The following TUBGCP3 variants were observed in gnomAD, a reference collection of about 807,000 sequenced individuals.
TUBGCP3 encodes the protein tubulin gamma complex component 3, also known as gamma-tubulin complex component 3.
In TUBGCP3, 50 loss-of-function variants were observed where a neutral mutation model predicts 123.1. That is an observed-to-expected ratio of 0.41 (90% CI 0.32 to 0.51). The LOEUF (loss-of-function observed/expected upper bound fraction) is 0.51. TUBGCP3 is among the 20% of genes least tolerant of loss of function. The pLI, the probability that TUBGCP3 is intolerant of heterozygous loss-of-function variation, is 0.36. For missense variants in TUBGCP3, 882 were observed against 1,127.0 expected (o/e 0.78, Z 3.11); for synonymous variants, 405 against 413.9 (o/e 0.98, Z 0.26).
chr13:112,548,005 T>C (rs1594179725), intron 9 of TUBGCP3, 103 bp downstream of exon 9: 3 of 948,156 alleles, frequency 3.2e-6, no homozygotes, highest in Non-Finnish European at 3.0e-6. Context: ...AATATTGCTG[T>C]ATTTTAAAAG....
At chr13:112,526,129 A>G (rs1177449232) in intron 13 of TUBGCP3, among the ~76,000 whole-genome samples, 1 of 151,996 alleles carries the variant, frequency 6.6e-6, no homozygotes, top group Non-Finnish European at 1.5e-5. Context: ...CATTACTATC[A>G]TCACATCACC....
rs543919670 is a variant in TUBGCP3, at chr13:112,541,467, A to G, written c.1335+4232T>C. Among the ~76,000 whole-genome samples the G allele has an allele frequency of 2.6e-5, 4 of 151,148 alleles. No individual in the cohort carries two copies. In the East Asian group the frequency reaches 7.8e-4, roughly 30 times the overall value. Reference sequence around the variant, plus strand: ...TGAGGAAGGAGAATTGCTTGAACCCAGGAGGCAGAAGTTACAGTGCACCAA... The same window carrying G: ...TGAGGAAGGAGAATTGCTTGAACCCGGGAGGCAGAAGTTACAGTGCACCAA... On this transcript the variant is annotated intron_variant, in intron 11 of 21. Transcript: ENST00000261965.
At chr13:112,487,818 G>A (rs1022727583) in intron 21 of TUBGCP3, among the ~76,000 whole-genome samples, 3 of 152,046 alleles carry the variant, frequency 2.0e-5, no homozygotes, top group African/African-American at 4.8e-5. Flanking sequence ...CTTAGTTATC[G>A]TGAAGAAAAA....
chr13:112,570,342 A>C (rs1881302543), intron 1 of TUBGCP3, among the ~76,000 whole-genome samples: 1 of 152,266 alleles, frequency 6.6e-6, no homozygotes, highest in Non-Finnish European at 1.5e-5. Context: ...AAATTCAGAC[A>C]GACCACAGAG....
chr13:112,578,316 T>C (rs1881998631), intron 1 of TUBGCP3, among the ~76,000 whole-genome samples: 1 of 151,382 alleles, frequency 6.6e-6, no homozygotes, highest in African/African-American at 2.4e-5. Context: ...TCCCAGCACT[T>C]TGGGAGGCCG....
rs1881688052 is a variant in TUBGCP3, at chr13:112,511,727, A to ATTGGGCCAAAACCAAAT, written c.2086+4696_2086+4712dup. Among the ~76,000 whole-genome samples, 1 of 152,208 alleles carries ATTGGGCCAAAACCAAAT rather than the reference A, an allele frequency of 6.6e-6. No homozygotes were observed. Among genetic ancestry groups the ATTGGGCCAAAACCAAAT allele is most frequent in the Admixed American group, 6.5e-5 (1 of 15,286 alleles). ...CTTCATTTACCTTATTATTCGATAT[A>ATTGGGCCAAAACCAAAT]TTGGGCCAAAACCAAATTTGGGCCA... On this transcript the variant is annotated intron_variant, in intron 17 of 21. Transcript: ENST00000261965. This position sits in a 1 kb window ranked among gnomAD's most constrained non-coding sequence, Gnocchi z 4.1.
chr13:112,554,292 G>A, intron 7 of TUBGCP3, 110 bp from the exon 8 acceptor site: 1 of 1,302,224 alleles, frequency 7.7e-7, no homozygotes, highest in Non-Finnish European at 1.0e-6. Context: ...TAGGCTTCAA[G>A]ACATAAAAGT....
At chr13:112,494,640 CTA>C (rs559769826) in intron 20 of TUBGCP3, among the ~76,000 whole-genome samples, 45 of 152,330 alleles carry the variant, frequency 3.0e-4, no homozygotes, top group African/African-American at 1.0e-3. Flanking sequence ...ATGTACTCGA[CTA>C]TAAACTTATA....
At chr13:112,516,707 A>G in intron 16 of TUBGCP3, 132 bp from the exon 17 acceptor site, 1 of 1,095,864 alleles carries the variant, frequency 9.1e-7, no homozygotes, top group African/African-American at 1.6e-5. Flanking sequence ...GTAAAGTCAC[A>G]GTAACAGAAG....
At chr13:112,570,622 C>T (rs961172548) in intron 1 of TUBGCP3, among the ~76,000 whole-genome samples, 4 of 152,196 alleles carry the variant, frequency 2.6e-5, no homozygotes, top group Admixed American at 6.5e-5. Context: ...TTGATGTTGA[C>T]GACTACTGAC....
the TUBGCP3 span, among the ~76,000 whole-genome samples, chr13:112,599,576 G>A: frequency 2.0e-5 from 3 of 152,022 alleles, no homozygotes; most frequent in African/African-American, 7.3e-5. Flanking sequence ...GCGTGGTCTC[G>A]GCTCACTGTA....
At chr13:112,531,737 GC>G (rs1435146633) in intron 11 of TUBGCP3, among the ~76,000 whole-genome samples, 1 of 152,058 alleles carries the variant, frequency 6.6e-6, no homozygotes, top group Admixed American at 6.6e-5. Flanking sequence ...CACTCCAGCA[GC>G]AAACATCTCG....
intron 20 of TUBGCP3, among the ~76,000 whole-genome samples, chr13:112,492,292 TAAC>T (rs1880148139): frequency 6.6e-6 from 1 of 152,216 alleles, no homozygotes; most frequent in Non-Finnish European, 1.5e-5. Context: ...AAAAGATAAA[TAAC>T]AATATTTACA....
At chr13:112,558,480 G>A in intron 4 of TUBGCP3, 67 bp from the exon 5 acceptor site, 31 of 1,337,502 alleles carry the variant, frequency 2.3e-5, no homozygotes, top group Non-Finnish European at 3.1e-5. Flanking sequence ...AACCTAAAAA[G>A]GTCATTTATA....
intron 18 of TUBGCP3, 38 bp from the exon 19 acceptor site, chr13:112,504,201 T>C (rs1472797157): frequency 4.3e-6 from 7 of 1,613,510 alleles, no homozygotes; most frequent in Non-Finnish European, 1.7e-6. Context: ...GATAAGCTCA[T>C]GTCCTTCCTA....
At chr13:112,598,100 T>C in the TUBGCP3 span, among the ~76,000 whole-genome samples, 1 of 152,094 alleles carries the variant, frequency 6.6e-6, no homozygotes, top group African/African-American at 2.4e-5. Flanking sequence ...AACCTGATAG[T>C]TGATATTTCA....
At chr13:112,571,081 T>C (rs923628382) in intron 1 of TUBGCP3, among the ~76,000 whole-genome samples, 2 of 152,202 alleles carry the variant, frequency 1.3e-5, no homozygotes, top group Admixed American at 6.5e-5. Flanking sequence ...CTCAAAGTCA[T>C]CCATCATGGC....
At chr13:112,591,234 A>C (rs1882875746), upstream of TUBGCP3, among the ~76,000 whole-genome samples, 2 of 152,220 alleles carry the variant, frequency 1.3e-5, no homozygotes, top group Admixed American at 1.3e-4. Flanking sequence ...CCACCCATGC[A>C]AGGAAAGCTG....
chr13:112,520,876 C>T (rs1238285323), intron 14 of TUBGCP3, among the ~76,000 whole-genome samples: 2 of 152,294 alleles, frequency 1.3e-5, no homozygotes, highest in East Asian at 3.9e-4. Flanking sequence ...CGTGTAAGCT[C>T]TACAAAACAC....
Sources: allele counts gnomAD v4.1 joint callset (sites outside exome capture counted in the v4.1 genomes callset), GRCh38; gene constraint gnomAD v4.1.1; non-coding constraint Gnocchi (gnomAD v3.1); transcripts MANE v1.5; gene names NCBI Gene and HGNC (gene_info 2026-07-23, HGNC 2026-07-21).